NFIA: variants seen among roughly 807,000 people sequenced by gnomAD.
The protein encoded by NFIA is nuclear factor 1 A-type.
In NFIA, 8 loss-of-function variants were observed where a neutral mutation model predicts 62.8. The observed-to-expected ratio is 0.13, with a 90% CI of 0.07 to 0.23. The LOEUF (loss-of-function observed/expected upper bound fraction) is 0.23. Ranked by LOEUF, NFIA falls within the 10% of genes least tolerant of loss-of-function variation. The pLI, the probability that NFIA is intolerant of heterozygous loss-of-function variation, is 1.00. For synonymous variants in NFIA, 235 were observed against 238.1 expected (o/e 0.99, Z 0.12); for missense variants, 410 against 642.1 (o/e 0.64, Z 3.91).
At chr1:61,177,518 G>T (rs552375405) in intron 2 of NFIA, among the ~76,000 whole-genome samples, 1 of 152,170 alleles carries the variant, frequency 6.6e-6, no homozygotes, top group Admixed American at 6.5e-5. Context: ...TTGAGCTATT[G>T]TTATCCCTAT....
At chr1:61,367,189 T>C (rs1663636058) in intron 6 of NFIA, among the ~76,000 whole-genome samples, 1 of 152,314 alleles carries the variant, frequency 6.6e-6, no homozygotes, top group Middle Eastern at 3.4e-3. Context: ...CTGCTGGTCC[T>C]AATTTGACTG....
intron 2 of NFIA, among the ~76,000 whole-genome samples, chr1:61,152,611 A>G (rs1211273577): frequency 3.9e-5 from 6 of 152,202 alleles, no homozygotes; most frequent in Non-Finnish European, 7.3e-5. Flanking sequence ...GTTTTCTCTA[A>G]GACTTTCCAA....
At chr1:61,249,424 G>A (rs928463485) in intron 2 of NFIA, among the ~76,000 whole-genome samples, 2 of 152,100 alleles carry the variant, frequency 1.3e-5, no homozygotes, top group Admixed American at 6.5e-5. Context: ...TCTTCTTTAC[G>A]CTTAACATGG....
At chr1:61,189,846 A>G (rs1651493156) in intron 2 of NFIA, among the ~76,000 whole-genome samples, 1 of 152,078 alleles carries the variant, frequency 6.6e-6, no homozygotes, top group African/African-American at 2.4e-5. Context: ...GGCGTGTTGA[A>G]TCCTAGAAAC....
intron 4 of NFIA, among the ~76,000 whole-genome samples, chr1:61,335,156 C>T (rs144184035): frequency 5.9e-5 from 9 of 152,328 alleles, no homozygotes; most frequent in African/African-American, 1.9e-4. Context: ...CTCTGGGACT[C>T]ACTCACACAT....
intron 2 of NFIA, among the ~76,000 whole-genome samples, chr1:61,271,017 T>C (rs529855705): frequency 3.3e-4 from 50 of 152,360 alleles, no homozygotes; most frequent in African/African-American, 1.2e-3. Flanking sequence ...CTTCTTACCA[T>C]TGACTTCATT....
chr1:61,244,670 C>T (rs1655536069), intron 2 of NFIA, among the ~76,000 whole-genome samples: 1 of 152,116 alleles, frequency 6.6e-6, no homozygotes, highest in African/African-American at 2.4e-5. Context: ...AATAATGTGA[C>T]AGTGTTTTCA....
At chr1:61,413,677 AGT>A (rs1419991564) in intron 9 of NFIA, among the ~76,000 whole-genome samples, 1 of 119,436 alleles carries the variant, frequency 8.4e-6, no homozygotes, top group Non-Finnish European at 1.6e-5. Context: ...CCCAGGCTGG[AGT>A]GCAGTGGCAT....
At chr1:61,077,741 A>G, upstream of NFIA, 1 of 720,260 alleles carries the variant, frequency 1.4e-6, no homozygotes, top group East Asian at 3.0e-5. Flanking sequence ...TAGCTCGCAT[A>G]TGCACTTAAG....
intron 7 of NFIA, among the ~76,000 whole-genome samples, chr1:61,386,823 T>TG (rs1185986277): frequency 3.3e-5 from 5 of 152,108 alleles, no homozygotes; most frequent in African/African-American, 1.2e-4. Flanking sequence ...ATAGACTGGG[T>TG]GGTCTATAAA....
chr1:61,082,189 C>CAG, upstream of NFIA: 1 of 85,100 alleles, frequency 1.2e-5, no homozygotes, highest in Non-Finnish European at 2.1e-5. Context: ...CAGTAATGCG[C>CAG]TGATCGGGGG....
chr1:61,408,960 T>C (rs148502555), intron 9 of NFIA, among the ~76,000 whole-genome samples: 1,761 of 152,334 alleles, frequency 0.012, 15 homozygotes, highest in Non-Finnish European at 0.017. Flanking sequence ...AACCCCTAAA[T>C]TGAGTTGATG....
intron 2 of NFIA, among the ~76,000 whole-genome samples, chr1:61,201,816 A>G (rs988062074): frequency 2.0e-5 from 3 of 152,156 alleles, no homozygotes; most frequent in Admixed American, 6.5e-5. Context: ...AAGTGTGAAT[A>G]GAAATGTAGC....
intron 2 of NFIA, among the ~76,000 whole-genome samples, chr1:61,167,194 G>A (rs1649635906): frequency 6.6e-6 from 1 of 152,096 alleles, no homozygotes; most frequent in Non-Finnish European, 1.5e-5. Context: ...TGTTCCCATA[G>A]TGAGAAAAAT....
At chr1:61,210,326 T>G (rs1226109243) in intron 2 of NFIA, among the ~76,000 whole-genome samples, 1 of 152,224 alleles carries the variant, frequency 6.6e-6, no homozygotes, top group African/African-American at 2.4e-5. Context: ...TGCTGTGTTA[T>G]GGTATTCCTG....
At chr1:61,443,514 A>G (rs995612241) in intron 10 of NFIA, among the ~76,000 whole-genome samples, 1 of 152,024 alleles carries the variant, frequency 6.6e-6, no homozygotes, top group African/African-American at 2.4e-5. Context: ...ATCACATGTC[A>G]CTCTGCAGGG....
At chr1:61,307,414 C>A (rs1313829849) in intron 3 of NFIA, among the ~76,000 whole-genome samples, 1 of 152,150 alleles carries the variant, frequency 6.6e-6, no homozygotes, top group Admixed American at 6.5e-5. Flanking sequence ...TTCTAGCCCC[C>A]AGAAGTGTGA....
rs934645173 is a variant in NFIA, at chr1:61,421,106, G to A, written c.1421-5359G>A. Reference sequence around the variant, plus strand: ...CTTTCACAGCCCATCCCAGAGGCCCGCTCCATCTCCCCTGTAAGGCTTGTC... The same window carrying A: ...CTTTCACAGCCCATCCCAGAGGCCCACTCCATCTCCCCTGTAAGGCTTGTC... On this transcript the variant is annotated intron_variant, in intron 9 of 10. Transcript: ENST00000403491. 6.1e-4 allele frequency among the ~76,000 whole-genome samples: 93 copies of A among 152,156 alleles called. 2 individuals carry two copies. The highest frequency in any genetic ancestry group is 5.0e-3 in the East Asian group (26 of 5,168).
intron 3 of NFIA, among the ~76,000 whole-genome samples, chr1:61,284,610 C>G (rs1474460759): frequency 6.6e-6 from 1 of 152,150 alleles, no homozygotes; most frequent in Non-Finnish European, 1.5e-5. Context: ...TTAAAGTAGT[C>G]TTATCCTCAC....
Sources: allele counts gnomAD v4.1 joint callset (sites outside exome capture counted in the v4.1 genomes callset), GRCh38; gene constraint gnomAD v4.1.1; transcripts MANE v1.5; gene names NCBI Gene and HGNC (gene_info 2026-07-23, HGNC 2026-07-21).